Variants in CSDE1 observed in about 807,000 individuals in gnomAD.
CSDE1 encodes the protein cold shock domain-containing protein E1.
CSDE1 carries 17 observed loss-of-function variants against 89.3 expected under a neutral mutation model. The ratio of observed to expected loss-of-function variants is 0.19; its 90% CI spans 0.13 to 0.29. The LOEUF is 0.29. CSDE1 is among the 10% of genes least tolerant of loss of function. The pLI is 1.00. For missense variants in CSDE1, 672 were observed against 984.2 expected, an observed-to-expected ratio of 0.68 and a Z score of 4.24; for synonymous variants, 322 against 332.8, an observed-to-expected ratio of 0.97 and a Z score of 0.35.
At chr1:114,750,430 T>C (rs568884142) in intron 1 of CSDE1, among the ~76,000 whole-genome samples, 7 of 152,268 alleles carry the variant, frequency 4.6e-5, no homozygotes, top group South Asian at 4.1e-4. Flanking sequence ...AATTATTCCA[T>C]AGTCTTTATT....
intron 2 of CSDE1, among the ~76,000 whole-genome samples, chr1:114,744,231 T>C (rs751140905): frequency 6.6e-6 from 1 of 152,216 alleles, no homozygotes; most frequent in Non-Finnish European, 1.5e-5. Context: ...ATTTAGTTGC[T>C]TGCCTAACAG....
rs1659233391 is a variant in CSDE1 at position 114,717,297 on chromosome 1, G to A, written c.*872C>T. 1.3e-5 allele frequency: 2 copies of A among 152,442 alleles called. No homozygotes were observed. Among genetic ancestry groups the A allele is most frequent in the African/African-American group, 4.8e-5 (2 of 41,376 alleles). 9.4% of individuals were successfully genotyped at this position (152,442 alleles called of 1,614,324 possible). A position where few individuals can be genotyped will look rare whatever the true frequency, so the allele number is the denominator to read the frequency against. On this transcript the variant is annotated 3_prime_UTR_variant, in exon 20 of 20. Transcript: ENST00000358528. ...ATAAAAAAAAACAAGATTCATTTCA[G>A]GCACAACTTTTTTATTTTTTTTTGT...
chr1:114,719,784 CCTCA>C (rs1481714863), intron 17 of CSDE1, 42 bp from the exon 18 acceptor site: 1 of 1,576,262 alleles, frequency 6.3e-7, no homozygotes, highest in Non-Finnish European at 8.6e-7. Context: ...GCATGCCACA[CCTCA>C]CTCTGAATGA....
intron 8 of CSDE1, 39 bp from the exon 9 acceptor site, chr1:114,733,896 G>A (rs1660248528): frequency 2.5e-6 from 4 of 1,609,488 alleles, no homozygotes; most frequent in South Asian, 2.2e-5. Flanking sequence ...GGGGACAGAG[G>A]AAGGAAGAAT....
At chr1:114,731,150 GCT>G (rs1478582427) in intron 10 of CSDE1, among the ~76,000 whole-genome samples, 1 of 150,570 alleles carries the variant, frequency 6.6e-6, no homozygotes, top group Non-Finnish European at 1.5e-5. Flanking sequence ...GCTTTGTAAG[GCT>G]TACTGTATCA....
In CSDE1 at chr1:114,717,989, T is replaced by C; in HGVS notation, c.*180A>G. 1.7e-6 allele frequency: 1 copy of C among 602,528 alleles called. No homozygotes were observed. The highest frequency in any genetic ancestry group is 2.6e-5 in the South Asian group (1 of 37,872). The allele number at this position is 602,528 out of a possible 1,614,324, so 37.3% of individuals were successfully genotyped here. ...CAACTGTGCATTATTTAAAATGGTT[T>C]TCTTAAATTTATTTATTTTTTTAAA... On this transcript the variant is annotated 3_prime_UTR_variant, in exon 20 of 20. Transcript: ENST00000358528.
chr1:114,744,789 T>C (rs1190857607), intron 2 of CSDE1, among the ~76,000 whole-genome samples: 1 of 151,420 alleles, frequency 6.6e-6, no homozygotes, highest in Non-Finnish European at 1.5e-5. Flanking sequence ...TACACCAGAG[T>C]AGATAGGGCA....
intron 18 of CSDE1, among the ~76,000 whole-genome samples, chr1:114,719,289 T>G (rs1659378158): frequency 6.6e-6 from 1 of 152,176 alleles, no homozygotes; most frequent in African/African-American, 2.4e-5. Flanking sequence ...AATCAGACTG[T>G]GAGACTGTCT....
chr1:114,733,054 T>C (rs2101039855), intron 9 of CSDE1, among the ~76,000 whole-genome samples: 1 of 152,278 alleles, frequency 6.6e-6, no homozygotes, highest in South Asian at 2.1e-4. Context: ...AGATTTTATT[T>C]AAGGAATTTT....
At chr1:114,751,366 T>C (rs1661298220) in intron 1 of CSDE1, among the ~76,000 whole-genome samples, 1 of 152,194 alleles carries the variant, frequency 6.6e-6, no homozygotes, top group South Asian at 2.1e-4. Flanking sequence ...AAATGGATAT[T>C]TGAAAACATC....
rs1394855167 is a variant in CSDE1, at chr1:114,739,791, A to C, written c.100T>G (p.Leu34Val). Reference protein sequence around the residue: ...LRETGVIEKLLTSYGFIQCSE... With the variant: ...LRETGVIEKLVTSYGFIQCSE... ...CACTGAATAAATCCGTAAGAGGTTA[A>C]CAGTTTTTCAATAACCCCAGTTTCA... Residue 34 changes from leucine to valine, a missense_variant, in exon 3 of 20, where the codon TTA becomes GTA. Physicochemically the swap from Leu to Val is conservative, Grantham distance 32. Transcript: ENST00000358528. The C allele has an allele frequency of 6.2e-7, 1 of 1,613,998 alleles. No individual in the cohort carries two copies. Among genetic ancestry groups the C allele is most frequent in the African/African-American group, 1.3e-5 (1 of 74,942 alleles).
chr1:114,726,651 T>C (rs1265054403), intron 13 of CSDE1, among the ~76,000 whole-genome samples: 1 of 152,224 alleles, frequency 6.6e-6, no homozygotes, highest in Non-Finnish European at 1.5e-5. Flanking sequence ...ATATTAAGTA[T>C]GAGAAAAAAT....
intron 15 of CSDE1, 52 bp from the exon 16 acceptor site, chr1:114,724,054 TAGAA>T (rs1659669999): frequency 2.5e-6 from 4 of 1,569,426 alleles, no homozygotes; most frequent in Non-Finnish European, 2.6e-6. Context: ...CTCTACTACA[TAGAA>T]AGACAAGTAA....
intron 2 of CSDE1, among the ~76,000 whole-genome samples, chr1:114,745,751 T>C (rs532385879): frequency 2.7e-4 from 41 of 152,314 alleles, no homozygotes; most frequent in Middle Eastern, 3.4e-3. Context: ...ATTGACAAAA[T>C]TAGTCCTCCT....
intron 1 of CSDE1, among the ~76,000 whole-genome samples, chr1:114,752,474 C>G (rs146442883): frequency 5.8e-4 from 88 of 152,264 alleles, no homozygotes; most frequent in African/African-American, 1.8e-3. Context: ...TTATCTCCCC[C>G]CAACCCCTGC....
At chr1:114,742,285 T>G (rs1447565574) in intron 2 of CSDE1, among the ~76,000 whole-genome samples, 1 of 152,174 alleles carries the variant, frequency 6.6e-6, no homozygotes, top group East Asian at 1.9e-4. Context: ...GTAACTAAGC[T>G]ACCTTCACAA....
chr1:114,718,853 T>C (rs1326791822), intron 18 of CSDE1, 108 bp from the exon 19 acceptor site: 1 of 1,231,740 alleles, frequency 8.1e-7, no homozygotes, highest in African/African-American at 1.5e-5. Flanking sequence ...TCACTTTTTA[T>C]GATGGGACTC....
At chr1:114,732,496 C>A (rs1460281066) in intron 10 of CSDE1, 108 bp downstream of exon 10, 1 of 929,680 alleles carries the variant, frequency 1.1e-6, no homozygotes, top group East Asian at 2.6e-5. Context: ...AGGTAAATGC[C>A]CATTAGGGTC....
chr1:114,750,455 A>G (rs2101085865), intron 1 of CSDE1, among the ~76,000 whole-genome samples: 1 of 152,338 alleles, frequency 6.6e-6, no homozygotes, highest in African/African-American at 2.4e-5. Flanking sequence ...TCTTCCCCCA[A>G]ATAAGCTCAG....
Sources: allele counts gnomAD v4.1 joint callset (sites outside exome capture counted in the v4.1 genomes callset), GRCh38; gene constraint gnomAD v4.1.1; transcripts MANE v1.5; gene names NCBI Gene and HGNC (gene_info 2026-07-23, HGNC 2026-07-21).